Variants in GRM7 observed in about 807,000 individuals in gnomAD.
GRM7 encodes metabotropic glutamate receptor 7.
In GRM7, 35 loss-of-function variants were observed where a neutral mutation model predicts 84.5. That is an observed-to-expected ratio of 0.41 (90% CI 0.32 to 0.55). The LOEUF is 0.55. Ranked by LOEUF, GRM7 falls within the 20% of genes least tolerant of loss-of-function variation. The pLI, the probability that GRM7 is intolerant of heterozygous loss-of-function variation, is 0.19. For missense variants in GRM7, 1,003 were observed against 1,194.6 expected, an observed-to-expected ratio of 0.84 and a Z score of 2.36; for synonymous variants, 487 against 455.1, an observed-to-expected ratio of 1.07 and a Z score of -0.89.
intron 9 of GRM7, among the ~76,000 whole-genome samples, chr3:7,700,651 A>G (rs996759648): frequency 2.0e-5 from 3 of 152,232 alleles, no homozygotes; most frequent in Non-Finnish European, 4.4e-5. Flanking sequence ...GATTAAACAC[A>G]ATAAATCATT....
At chr3:7,198,570 C>A (rs1335247938) in intron 2 of GRM7, among the ~76,000 whole-genome samples, 2 of 152,182 alleles carry the variant, frequency 1.3e-5, no homozygotes, top group Non-Finnish European at 2.9e-5. Context: ...ACCTTACCTA[C>A]TGGACACCAT....
At chr3:6,958,173 T>A (rs934047713) in intron 1 of GRM7, among the ~76,000 whole-genome samples, 1 of 151,932 alleles carries the variant, frequency 6.6e-6, no homozygotes, top group Non-Finnish European at 1.5e-5. Context: ...TGTGCCCCTA[T>A]GCAATCTTTG....
intron 2 of GRM7, among the ~76,000 whole-genome samples, chr3:7,198,723 C>T (rs755524404): frequency 2.6e-5 from 4 of 151,926 alleles, no homozygotes; most frequent in Non-Finnish European, 2.9e-5. Flanking sequence ...AGTGAAAAAC[C>T]GAATTGTTAT....
chr3:7,270,426 G>A (rs1368717582), intron 2 of GRM7, among the ~76,000 whole-genome samples: 3 of 152,172 alleles, frequency 2.0e-5, no homozygotes, highest in East Asian at 1.9e-4. Flanking sequence ...TTGAATAGTC[G>A]ATAAACTTTT....
At chr3:6,898,825 C>CA (rs58274974) in intron 1 of GRM7, among the ~76,000 whole-genome samples, 41,111 of 142,534 alleles carry the variant, frequency 0.29, 6,202 homozygotes, top group East Asian at 0.56. Flanking sequence ...CTCAAAAAAA[C>CA]AAAAAAAAAA....
Position 7,578,415 on chromosome 3 carries a change from G to C in GRM7, c.1516-7G>C, listed in dbSNP as rs748791087. Reference sequence around the variant, plus strand: ...CCTGATTCACCTTCTTATTTCTTATGTTACAGATAGAAGACATGCAGTGGG... The same window carrying C: ...CCTGATTCACCTTCTTATTTCTTATCTTACAGATAGAAGACATGCAGTGGG... On this transcript the variant is annotated splice_polypyrimidine_tract_variant and splice_region_variant and intron_variant, in intron 7 of 9. Coordinates refer to ENST00000357716, the MANE Select transcript of GRM7 (RefSeq NM_000844.4). 1.9e-6 allele frequency: 3 copies of C among 1,576,110 alleles called. 1 individual carries two copies. Among genetic ancestry groups the C allele is most frequent in the Non-Finnish European group, 8.7e-7 (1 of 1,152,058 alleles).
intron 9 of GRM7, among the ~76,000 whole-genome samples, chr3:7,691,990 C>CT (rs1196261265): frequency 6.6e-6 from 1 of 152,030 alleles, no homozygotes; most frequent in African/African-American, 2.4e-5. Flanking sequence ...TTTCCTTTCT[C>CT]TTTTTTGTTT....
At chr3:7,465,470 C>A (rs1186294046) in intron 7 of GRM7, among the ~76,000 whole-genome samples, 3 of 145,022 alleles carry the variant, frequency 2.1e-5, no homozygotes, top group African/African-American at 7.4e-5. Context: ...GGCACCCTAC[C>A]CCTCTCACCT....
At chr3:7,031,344 C>T (rs954079898) in intron 1 of GRM7, among the ~76,000 whole-genome samples, 1 of 152,034 alleles carries the variant, frequency 6.6e-6, no homozygotes, top group East Asian at 1.9e-4. Context: ...ATGTCCCCAC[C>T]GTGAACTTCC....
At chr3:6,939,770 A>G (rs1697823622) in intron 1 of GRM7, among the ~76,000 whole-genome samples, 1 of 152,110 alleles carries the variant, frequency 6.6e-6, no homozygotes, top group Non-Finnish European at 1.5e-5. Flanking sequence ...TAAATTGAAT[A>G]TTTACCTAAT....
At chr3:7,523,123 C>T (rs1700661625) in intron 7 of GRM7, among the ~76,000 whole-genome samples, 1 of 152,110 alleles carries the variant, frequency 6.6e-6, no homozygotes, top group African/African-American at 2.4e-5. Flanking sequence ...TATTTTATTA[C>T]AGCAGGCGGA....
chr3:7,702,114 A>G (rs1265167903), intron 9 of GRM7, among the ~76,000 whole-genome samples: 1 of 152,234 alleles, frequency 6.6e-6, no homozygotes, highest in Non-Finnish European at 1.5e-5. Flanking sequence ...CTTCAGAAGG[A>G]AAAATGAAGC....
chr3:7,096,136 A>C (rs1224632124), intron 1 of GRM7, among the ~76,000 whole-genome samples: 1 of 152,070 alleles, frequency 6.6e-6, no homozygotes, highest in Non-Finnish European at 1.5e-5. Context: ...CCCCTATCCT[A>C]AAGCTAACTC....
At chr3:6,906,691 A>T (rs1359965891) in intron 1 of GRM7, among the ~76,000 whole-genome samples, 1 of 152,160 alleles carries the variant, frequency 6.6e-6, no homozygotes, top group Non-Finnish European at 1.5e-5. Context: ...TATATGCATG[A>T]AGCATTTTCA....
chr3:7,288,865 G>A (rs975564591), intron 2 of GRM7, among the ~76,000 whole-genome samples: 4 of 152,002 alleles, frequency 2.6e-5, no homozygotes, highest in East Asian at 1.9e-4. Flanking sequence ...ATGAAATAGC[G>A]TATATATATG....
intron 7 of GRM7, among the ~76,000 whole-genome samples, chr3:7,557,213 G>C (rs565572883): frequency 1.3e-5 from 2 of 152,062 alleles, no homozygotes; most frequent in Non-Finnish European, 2.9e-5. Flanking sequence ...GGGAGGTAAT[G>C]GTGCAAAAGG....
At chr3:7,724,340 A>G (rs1279466019) in intron 9 of GRM7, among the ~76,000 whole-genome samples, 1 of 152,180 alleles carries the variant, frequency 6.6e-6, no homozygotes, top group Admixed American at 6.5e-5. Flanking sequence ...TCTTTCATTT[A>G]TTCAGTAGAA....
chr3:7,240,127 T>TTTTTTG (rs1559520741), intron 2 of GRM7, among the ~76,000 whole-genome samples: 2 of 127,852 alleles, frequency 1.6e-5, no homozygotes, highest in African/African-American at 3.7e-5. Flanking sequence ...GAGGTTTTTT[T>TTTTTTG]TTTTTTTTTT....
At chr3:7,407,155 G>A (rs1695715833) in intron 4 of GRM7, among the ~76,000 whole-genome samples, 1 of 152,116 alleles carries the variant, frequency 6.6e-6, no homozygotes. Flanking sequence ...ACTAAGGCAG[G>A]GGTTCAAGTT....
Sources: gnomAD v4.1 joint callset for allele counts (sites outside exome capture counted in the v4.1 genomes callset) on GRCh38, gnomAD v4.1.1 for gene constraint, MANE v1.5 for transcripts, NCBI Gene and HGNC (gene_info 2026-07-23, HGNC 2026-07-21) for gene names.